The following RASGRP3 variants were observed in gnomAD, a reference collection of about 807,000 sequenced individuals.
The protein encoded by RASGRP3 is ras guanyl-releasing protein 3.
In RASGRP3, 54 loss-of-function variants were observed where a neutral mutation model predicts 82.7. That is an observed-to-expected ratio of 0.65 (90% confidence interval 0.52 to 0.82). The LOEUF (loss-of-function observed/expected upper bound fraction) is 0.82. Among genes scored for constraint, RASGRP3 ranks in the 40% least tolerant of loss-of-function variants. RASGRP3 has a pLI of 0.00. For missense variants in RASGRP3, 861 were observed against 828.9 expected (o/e 1.04, Z -0.48); for synonymous variants, 309 against 300.5 (o/e 1.03, Z -0.29).
At chr2:33,474,381 G>A (rs1667235661), upstream of RASGRP3, among the ~76,000 whole-genome samples, 2 of 152,102 alleles carry the variant, frequency 1.3e-5, no homozygotes, top group Admixed American at 6.5e-5. Context: ...TGTTGCCCAG[G>A]CTGGAGTGCA....
intron 14 of RASGRP3, among the ~76,000 whole-genome samples, chr2:33,552,331 A>T (rs1452383257): frequency 6.6e-6 from 1 of 152,178 alleles, no homozygotes; most frequent in Non-Finnish European, 1.5e-5. Flanking sequence ...GGGAGTTAAT[A>T]CTTACCCACC....
At chr2:33,553,747 A>T (rs1252839080) in intron 14 of RASGRP3, among the ~76,000 whole-genome samples, 4 of 151,852 alleles carry the variant, frequency 2.6e-5, no homozygotes, top group African/African-American at 9.7e-5. Flanking sequence ...TTATTTATTT[A>T]TTATTATTAT....
At chr2:33,450,794 TTTTC>T (rs1322673280) in intron 2 of RASGRP3, among the ~76,000 whole-genome samples, 2 of 146,950 alleles carry the variant, frequency 1.4e-5, no homozygotes, top group Middle Eastern at 3.5e-3. Flanking sequence ...TTCTTTTTTC[TTTTC>T]TTTCTTTTTC....
At chr2:33,535,960 A>G (rs569105348) in intron 11 of RASGRP3, among the ~76,000 whole-genome samples, 1 of 152,248 alleles carries the variant, frequency 6.6e-6, no homozygotes, top group South Asian at 2.1e-4. Flanking sequence ...CAGTTGTTGA[A>G]TGCCTGGCAG....
At chr2:33,544,030 T>G (rs1674511170) in intron 13 of RASGRP3, among the ~76,000 whole-genome samples, 1 of 152,158 alleles carries the variant, frequency 6.6e-6, no homozygotes, top group Admixed American at 6.5e-5. Context: ...TAAAAAAATT[T>G]TGGCCAGGCA....
chr2:33,446,416 C>T (rs1029431542), intron 1 of RASGRP3, among the ~76,000 whole-genome samples: 4 of 152,078 alleles, frequency 2.6e-5, no homozygotes, highest in Non-Finnish European at 5.9e-5. Context: ...CTCGGCCTCC[C>T]AAAGTGCTGG....
At chr2:33,504,084 A>G (rs1035152973) in intron 1 of RASGRP3, among the ~76,000 whole-genome samples, 8 of 151,900 alleles carry the variant, frequency 5.3e-5, no homozygotes, top group African/African-American at 1.7e-4. Flanking sequence ...ATTCCTATTC[A>G]TTTTTCACGT....
chr2:33,470,750 T>C (rs1667010602), intron 2 of RASGRP3, among the ~76,000 whole-genome samples: 2 of 152,198 alleles, frequency 1.3e-5, no homozygotes, highest in Admixed American at 6.5e-5. Flanking sequence ...TTCTGTATAA[T>C]TGTTCCGTGG....
chr2:33,440,140 G>C (rs1044562191), intron 1 of RASGRP3, among the ~76,000 whole-genome samples: 10 of 152,190 alleles, frequency 6.6e-5, no homozygotes, highest in Non-Finnish European at 1.3e-4. Context: ...CAGGAAATTT[G>C]AGGGAATGAT....
chr2:33,482,017 ATT>A (rs1253707665), intron 1 of RASGRP3: 11 of 132,880 alleles, frequency 8.3e-5, no homozygotes, highest in East Asian at 2.3e-4. Flanking sequence ...TTAGGGTAAT[ATT>A]TTTTTTTTTT....
intron 1 of RASGRP3, chr2:33,447,776 T>G (rs138446490): frequency 6.6e-6 from 1 of 152,266 alleles, no homozygotes; most frequent in Non-Finnish European, 1.5e-5. Flanking sequence ...GGTCAATGAA[T>G]GCATCCTTCT....
At chr2:33,537,004 C>T (rs1020308490) in intron 11 of RASGRP3, among the ~76,000 whole-genome samples, 2 of 152,114 alleles carry the variant, frequency 1.3e-5, no homozygotes, top group African/African-American at 2.4e-5. Context: ...CTTTTACACC[C>T]TACCTTCTTG....
chr2:33,483,486 A>ATTTTT (rs202150682), intron 1 of RASGRP3, among the ~76,000 whole-genome samples: 42 of 125,920 alleles, frequency 3.3e-4, no homozygotes, highest in African/African-American at 7.9e-4. Flanking sequence ...TTTAGCCACT[A>ATTTTT]TTTTTTTTTT....
intron 2 of RASGRP3, among the ~76,000 whole-genome samples, chr2:33,513,182 A>C (rs538319302): frequency 6.6e-6 from 1 of 152,208 alleles, no homozygotes; most frequent in Non-Finnish European, 1.5e-5. Flanking sequence ...GAACACTTGA[A>C]ATAACCCTTT....
intron 13 of RASGRP3, among the ~76,000 whole-genome samples, chr2:33,548,799 G>A (rs374705107): frequency 5.3e-5 from 8 of 150,896 alleles, no homozygotes; most frequent in Admixed American, 6.6e-5. Flanking sequence ...CTCTGCCTCC[G>A]TGACTCAGCC....
chr2:33,558,027 G>A (rs1396684480), intron 15 of RASGRP3, among the ~76,000 whole-genome samples, 184 bp from the exon 16 acceptor site: 2 of 152,080 alleles, frequency 1.3e-5, no homozygotes, highest in Non-Finnish European at 2.9e-5. Flanking sequence ...ACCTCAGGAA[G>A]GCAAGTGCAG....
In RASGRP3 at chr2:33,563,630, T is replaced by C. The variant is rs1335734637; in HGVS notation, c.*893T>C. The C allele has an allele frequency of 6.6e-6, 1 of 152,012 alleles. No homozygotes were observed. Among genetic ancestry groups the C allele is most frequent in the Non-Finnish European group, 1.5e-5 (1 of 68,024 alleles). The allele number at this position is 152,012 out of a possible 1,614,324, so 9.4% of individuals were successfully genotyped here. A position where few individuals can be genotyped will look rare whatever the true frequency, so the allele number is the denominator to read the frequency against. ...AAAAACAAACCATTGAATAAGCTAC[T>C]AGGTGAAATGCAAAACAACCATCAA... On this transcript the variant is annotated 3_prime_UTR_variant, in exon 18 of 18. Coordinates refer to ENST00000403687, the MANE Select transcript of RASGRP3 (RefSeq NM_001139488.2).
At chr2:33,500,936 A>T (rs183797403) in intron 1 of RASGRP3, among the ~76,000 whole-genome samples, 75 of 152,336 alleles carry the variant, frequency 4.9e-4, no homozygotes, top group African/African-American at 1.8e-3. Flanking sequence ...CCGTCTCAAA[A>T]AAATAAATAA....
chr2:33,534,565 G>A (rs1392768094), intron 11 of RASGRP3, among the ~76,000 whole-genome samples, 165 bp downstream of exon 11: 1 of 151,954 alleles, frequency 6.6e-6, no homozygotes, highest in African/African-American at 2.4e-5. Context: ...GTCTTGCACT[G>A]TTGCCTGGGC....
Sources: gnomAD v4.1 joint callset for allele counts (sites outside exome capture counted in the v4.1 genomes callset) on GRCh38, gnomAD v4.1.1 for gene constraint, MANE v1.5 for transcripts, NCBI Gene and HGNC (gene_info 2026-07-23, HGNC 2026-07-21) for gene names.